The following GNB1L variants were observed in gnomAD, a reference collection of about 807,000 sequenced individuals.
GNB1L encodes G protein subunit beta 1 like.
GNB1L carries 20 observed loss-of-function variants against 29.1 expected under a neutral mutation model. That is an observed-to-expected ratio of 0.69 (90% CI 0.48 to 1.00). The LOEUF is 1.00. Ranked by LOEUF, GNB1L falls within the 50% of genes least tolerant of loss-of-function variation. The probability of loss-of-function intolerance (pLI) is 0.00; values close to 1 mark genes in which losing one functional copy is unlikely to be tolerated. For missense variants in GNB1L, 421 were observed against 464.9 expected (o/e 0.91, Z 0.87); for synonymous variants, 193 against 206.5 (o/e 0.93, Z 0.56).
chr22:19,851,303 C>T (rs1415282632), intron 2 of GNB1L: 3 of 1,614,028 alleles, frequency 1.9e-6, no homozygotes, highest in African/African-American at 1.3e-5. Flanking sequence ...TTTTGGACCT[C>T]CTGGATGAGC....
intron 7 of GNB1L, among the ~76,000 whole-genome samples, chr22:19,800,839 T>C (rs1937361601): frequency 6.6e-6 from 1 of 152,218 alleles, no homozygotes; most frequent in Admixed American, 6.5e-5. Context: ...CACCAGGGCA[T>C]GTCCTTCCGC....
At chr22:19,818,994 C>T (rs1342163890) in intron 4 of GNB1L, among the ~76,000 whole-genome samples, 2 of 152,230 alleles carry the variant, frequency 1.3e-5, no homozygotes. Flanking sequence ...CCCCTGTCTG[C>T]TGCTTCCTGG....
intron 2 of GNB1L, among the ~76,000 whole-genome samples, chr22:19,832,142 C>T (rs1016638307): frequency 1.3e-5 from 2 of 152,114 alleles, no homozygotes; most frequent in African/African-American, 4.8e-5. Context: ...CCAGCCTGGG[C>T]AACATAGTCA....
At chr22:19,794,997 T>TAATAA (rs1057168693) in intron 7 of GNB1L, among the ~76,000 whole-genome samples, 45 of 151,978 alleles carry the variant, frequency 3.0e-4, no homozygotes, top group African/African-American at 9.2e-4. Flanking sequence ...TAAAATAAAA[T>TAATAA]AATAAAATAA....
chr22:19,851,726 A>G, intron 2 of GNB1L: 4 of 1,605,556 alleles, frequency 2.5e-6, no homozygotes, highest in Non-Finnish European at 8.5e-7. Context: ...CGGGTCTTGA[A>G]CAACTTCCTT....
intron 7 of GNB1L, among the ~76,000 whole-genome samples, chr22:19,795,457 C>T (rs1018180272): frequency 4.6e-5 from 7 of 152,174 alleles, no homozygotes; most frequent in South Asian, 2.1e-4. Context: ...GCGGAACACA[C>T]GCTCCTTTCA....
At chr22:19,807,479 C>T (rs1937449877) in intron 5 of GNB1L, among the ~76,000 whole-genome samples, 2 of 151,724 alleles carry the variant, frequency 1.3e-5, no homozygotes, top group South Asian at 2.1e-4. Context: ...CACTGAACTT[C>T]CCCAGGTACA....
In GNB1L at chr22:19,801,907, G is replaced by C. The variant is rs1937376699; in HGVS notation, c.732+94C>G. Reference sequence around the variant, plus strand: ...CAAGTGATTAATTAGCCAGGGATCTGCAACAACTCCTCTTCATGCCTAAAT... The same window carrying C: ...CAAGTGATTAATTAGCCAGGGATCTCCAACAACTCCTCTTCATGCCTAAAT... On this transcript the variant is annotated intron_variant, in intron 7 of 7. Coordinates refer to ENST00000329517, the MANE Select transcript of GNB1L (RefSeq NM_053004.3). 5 of 1,085,672 alleles carry C rather than the reference G, an allele frequency of 4.6e-6. No homozygotes were observed. In the East Asian group the frequency reaches 1.3e-4, roughly 28 times the overall value. The allele number at this position is 1,085,672 out of a possible 1,614,324, so 67.3% of individuals were successfully genotyped here.
At chr22:19,851,982 C>G (rs1032379392) in intron 2 of GNB1L, 4 of 1,614,204 alleles carry the variant, frequency 2.5e-6, no homozygotes, top group Admixed American at 1.7e-5. Context: ...CAGAAGTCCA[C>G]CCTGTGGGGT....
chr22:19,852,221 G>C, intron 2 of GNB1L: 1 of 1,612,810 alleles, frequency 6.2e-7, no homozygotes, highest in South Asian at 1.1e-5. Context: ...TGCCCAGATG[G>C]GAATGCGAGG....
chr22:19,813,126 C>T (rs766379115), intron 4 of GNB1L, among the ~76,000 whole-genome samples: 4 of 152,100 alleles, frequency 2.6e-5, no homozygotes, highest in Non-Finnish European at 4.4e-5. Flanking sequence ...ATATGAACAA[C>T]GAGTGTTTGG....
chr22:19,802,770 G>A lies in GNB1L; in HGVS notation c.517-554C>T, dbSNP rs1937389567. Among the ~76,000 whole-genome samples, 3 of 152,362 alleles carry A rather than the reference G, an allele frequency of 2.0e-5. No homozygotes were observed. In the South Asian group the frequency reaches 6.2e-4, roughly 32 times the overall value. On this transcript the variant is annotated intron_variant, in intron 6 of 7. Transcript: ENST00000329517. ...TGAACTCTCTGTGCTTTGTCAAAGT[G>A]GCTGCCGAAGCCCCTGCCCCTGAAG...
chr22:19,783,262 G>A lies in GNB1L; in HGVS notation c.*5447C>T. ...TTTATTAATGTAGCAAGAGATAATG[G>A]CACCAGGATGAGGCCAAATGACTCG... On this transcript the variant is annotated 3_prime_UTR_variant, in exon 8 of 8. Transcript: ENST00000329517. 1 of 523,600 alleles carries A rather than the reference G, an allele frequency of 1.9e-6. No homozygotes were observed. The allele number at this position is 523,600 out of a possible 1,614,324, so 32.4% of individuals were successfully genotyped here.
intron 4 of GNB1L, among the ~76,000 whole-genome samples, chr22:19,813,528 A>C (rs1937514408): frequency 1.3e-5 from 2 of 151,988 alleles, no homozygotes; most frequent in Non-Finnish European, 2.9e-5. Context: ...TCTACTAAAA[A>C]CACAAAAAAA....
chr22:19,844,063 CACAGTGCCCCACCCAGGACTCCTGGCCT>C (rs1937909813), intron 2 of GNB1L, among the ~76,000 whole-genome samples: 1 of 152,198 alleles, frequency 6.6e-6, no homozygotes, highest in African/African-American at 2.4e-5. Flanking sequence ...GACTGAGACC[CACAGTGCCCCACCCAGGACTCCTGGCCT>C]GCAGTGAGCC....
rs148256752 is a variant in GNB1L, at chr22:19,848,134, CTATTT to C, written c.-21+6304_-21+6308del. ...CATAGGACCTTATCCTTAGTACTTC[CTATTT>C]TAAAGTTTTCCTTGCAGACAGGTAC... On this transcript the variant is annotated intron_variant, in intron 2 of 7. Transcript: ENST00000329517. 6.0e-3 allele frequency: 5,871 copies of C among 985,218 alleles called. 239 individuals are homozygous for C. The African/African-American group carries it at 0.089, about 15-fold the overall frequency. The allele number at this position is 985,218 out of a possible 1,614,324, so 61.0% of individuals were successfully genotyped here.
intron 6 of GNB1L, 114 bp downstream of exon 6, chr22:19,806,544 CA>C (rs1937436542): frequency 3.0e-6 from 2 of 657,710 alleles, no homozygotes; most frequent in East Asian, 2.7e-5. Flanking sequence ...TTCCCTGCGG[CA>C]GGGGGGTGGG....
At position 19,806,739 on chromosome 22, in the gene GNB1L, G is replaced by C. The variant is rs1418915255; in HGVS notation, c.436C>G (p.Pro146Ala). 6.2e-7 allele frequency: 1 copy of C among 1,612,442 alleles called. No individual in the cohort carries two copies. Among genetic ancestry groups the C allele is most frequent in the Admixed American group, 1.7e-5 (1 of 60,008 alleles). ...AGGGCGCACACTGACGTCTTGGAGGGCATCTCCAGAATCTGAACCTGACAG... is the reference window on the plus strand; with the variant it reads ...AGGGCGCACACTGACGTCTTGGAGGCCATCTCCAGAATCTGAACCTGACAG... ...GSDEVQILEM[P>A]SKTSVCALKP... Residue 146 changes from proline (P) to alanine (A), a missense_variant, in exon 6 of 8, where the codon CCC becomes GCC. By Grantham distance (27) the Pro-to-Ala change is conservative (BLOSUM62 -1). Coordinates refer to ENST00000329517, the MANE Select transcript of GNB1L (RefSeq NM_053004.3).
rs1396044911 is a variant in GNB1L, at chr22:19,816,606, AACAC to A, written c.254+3988_254+3991del. On this transcript the variant is annotated intron_variant, in intron 4 of 7. Coordinates refer to ENST00000329517, the MANE Select transcript of GNB1L (RefSeq NM_053004.3). This position sits in a 1 kb window ranked among gnomAD's most constrained non-coding sequence, Gnocchi z 4.4. ...ACACATGCCTCACATGCATGCACACAACACACAATCACACACACCACACACCTCA... is the reference window on the plus strand; with the variant it reads ...ACACATGCCTCACATGCATGCACACAACAATCACACACACCACACACCTCA... 7.2e-5 allele frequency among the ~76,000 whole-genome samples: 11 copies of A among 151,978 alleles called. No individual in the cohort carries two copies. The highest frequency in any genetic ancestry group is 1.5e-4 in the Non-Finnish European group (10 of 67,988).
Sources: gnomAD v4.1 joint callset for allele counts (sites outside exome capture counted in the v4.1 genomes callset) on GRCh38, gnomAD v4.1.1 for gene constraint, Gnocchi (gnomAD v3.1) non-coding constraint, MANE v1.5 for transcripts, NCBI Gene and HGNC (gene_info 2026-07-23, HGNC 2026-07-21) for gene names.